Variants in MAPK10 observed in about 807,000 individuals in gnomAD.
MAPK10 encodes the protein JNK3 alpha protein kinase.
A neutral mutation model predicts 59.3 loss-of-function variants in MAPK10; 25 were observed. The observed-to-expected ratio is 0.42, with a 90% confidence interval of 0.31 to 0.59. MAPK10 has a LOEUF of 0.59. MAPK10 is among the 20% of genes least tolerant of loss of function. The pLI is 0.15. For missense variants in MAPK10, 351 were observed against 568.9 expected (o/e 0.62, Z 3.90); for synonymous variants, 190 against 200.5 (o/e 0.95, Z 0.44).
chr4:86,582,353 T>C lies in MAPK10; in HGVS notation c.-263+11557A>G, dbSNP rs1762368734. Among the ~76,000 whole-genome samples, 2 of 152,308 alleles carry C rather than the reference T, an allele frequency of 1.3e-5. 1 individual carries two copies. Among genetic ancestry groups the C allele is most frequent in the Middle Eastern group, 6.8e-3 (2 of 294 alleles). ...CAAGTACTAGATACCATATTACTAA[T>C]ATAAATACATGCTATTTAGAAAGTG... is the stretch of plus-strand genomic sequence containing the variant. On this transcript the variant is annotated intron_variant, in intron 1 of 4. Coordinates refer to the MAPK10 transcript ENST00000502302.
chr4:86,022,787 G>T (rs187128421), intron 13 of MAPK10, among the ~76,000 whole-genome samples: 1 of 152,278 alleles, frequency 6.6e-6, no homozygotes, highest in Admixed American at 6.5e-5. Flanking sequence ...GGGTCTACAG[G>T]CATGAGCCAC....
intron 11 of MAPK10, among the ~76,000 whole-genome samples, chr4:86,038,157 A>AT (rs545353876): frequency 1.7e-4 from 26 of 152,330 alleles, no homozygotes; most frequent in South Asian, 1.7e-3. Context: ...CTGAACTGAC[A>AT]TTTTTCCCTA....
chr4:86,189,078 C>T (rs944646377), intron 3 of MAPK10, among the ~76,000 whole-genome samples: 2 of 151,976 alleles, frequency 1.3e-5, no homozygotes, highest in Non-Finnish European at 2.9e-5. Flanking sequence ...ATTTCTGAGG[C>T]CTCTGTTCTG....
chr4:86,538,151 C>CG (rs545981814), intron 1 of MAPK10, among the ~76,000 whole-genome samples: 1 of 146,506 alleles, frequency 6.8e-6, no homozygotes, highest in African/African-American at 2.5e-5. Context: ...TATAATAAAT[C>CG]TTTTTTTTTT....
Position 86,295,754 on chromosome 4 carries a change from TA to T in MAPK10, c.-7+58775del, listed in dbSNP as rs1157964710. 8.7e-3 allele frequency among the ~76,000 whole-genome samples: 1,141 copies of T among 131,828 alleles called. 11 individuals are homozygous for T. Among genetic ancestry groups the T allele is most frequent in the African/African-American group, 0.039 (1,054 of 27,036 alleles). 86.5% of individuals were successfully genotyped at this position (131,828 alleles called of 152,430 possible). A position where few individuals can be genotyped will look rare whatever the true frequency, so the allele number is the denominator to read the frequency against. ...ATAATATATAAATTTATATATATTTTATATATATATATTTTATATATATATA... is the reference window on the plus strand; with the variant it reads ...ATAATATATAAATTTATATATATTTTTATATATATATTTTATATATATATA... On this transcript the variant is annotated intron_variant, in intron 2 of 13. Coordinates refer to ENST00000641462, the MANE Select transcript of MAPK10 (RefSeq NM_138982.4).
At chr4:86,466,764 C>T (rs1312557899) in intron 1 of MAPK10, among the ~76,000 whole-genome samples, 1 of 152,148 alleles carries the variant, frequency 6.6e-6, no homozygotes, top group Non-Finnish European at 1.5e-5. Flanking sequence ...GTTTGGGACA[C>T]CTAGTGTGGT....
rs1751991020 is a variant in MAPK10 at position 86,029,238 on chromosome 4, T to G, written c.1211A>C (p.Lys404Thr). The change falls in exon 13 of 14, where the codon AAG becomes ACG. Residue 404 changes from lysine (K) to threonine (T), a missense_variant. This residue lies in a region of MAPK10 where 155 missense variants were observed against 204.2 expected (regional missense o/e 0.76). Coordinates refer to ENST00000641462, the MANE Select transcript of MAPK10 (RefSeq NM_138982.4). ...TCCTTTTACTACACCATTTTTAGTC[T>G]TTTCTTCTGAATTCATTACTTCCTT... ...IYKEVMNSEE[K>T]TKNGVVKGQP... 6.2e-7 allele frequency: 1 copy of G among 1,611,618 alleles called. No individual in the cohort carries two copies. Among genetic ancestry groups the G allele is most frequent in the Non-Finnish European group, 8.5e-7 (1 of 1,178,132 alleles).
At chr4:86,235,316 C>A (rs2092103443) in intron 2 of MAPK10, among the ~76,000 whole-genome samples, 1 of 152,146 alleles carries the variant, frequency 6.6e-6, no homozygotes, top group East Asian at 1.9e-4. Flanking sequence ...AAAACGTGTG[C>A]TTTGTCTGCA....
intron 2 of MAPK10, among the ~76,000 whole-genome samples, chr4:86,211,604 G>T (rs1179331439): frequency 2.0e-5 from 3 of 152,016 alleles, no homozygotes; most frequent in Admixed American, 6.6e-5. Flanking sequence ...AAAATGAAAG[G>T]ACACTCAAAA....
chr4:86,468,045 A>AC (rs1465174851), intron 1 of MAPK10, among the ~76,000 whole-genome samples: 1 of 152,204 alleles, frequency 6.6e-6, no homozygotes, highest in Non-Finnish European at 1.5e-5. Flanking sequence ...ATGCTTGCTA[A>AC]CCAGAAACTT....
chr4:86,143,661 A>T (rs760539787), intron 4 of MAPK10, among the ~76,000 whole-genome samples: 12 of 152,220 alleles, frequency 7.9e-5, no homozygotes, highest in Non-Finnish European at 1.8e-4. Flanking sequence ...TGCTCATGAC[A>T]GTAGCTCAAG....
Position 86,107,258 on chromosome 4 carries a change from C to G in MAPK10, c.331G>C (p.Glu111Gln). The part of the protein sequence containing the change: ...NQTHAKRAYR[E>Q]LVLMKCVNHK... ...TTCACACACTTCATGAGGACCAGCT[C>G]CCGGTACGCTCTCTTGGCATGTGTT... Residue 111 changes from glutamate (E) to glutamine (Q), a missense_variant, in exon 5 of 14, where the codon GAG becomes CAG. By Grantham distance (29) the Glu-to-Gln change is conservative. Coordinates refer to ENST00000641462, the MANE Select transcript of MAPK10 (RefSeq NM_138982.4). 1 of 1,613,166 alleles carries G rather than the reference C, an allele frequency of 6.2e-7. No homozygotes were observed. Among genetic ancestry groups the G allele is most frequent in the Non-Finnish European group, 8.5e-7 (1 of 1,179,422 alleles).
At chr4:86,250,868 G>C (rs1026844828) in intron 2 of MAPK10, among the ~76,000 whole-genome samples, 14 of 152,270 alleles carry the variant, frequency 9.2e-5, no homozygotes, top group Middle Eastern at 3.4e-3. Flanking sequence ...GACTCTAGGA[G>C]AAAACTATTA....
At chr4:86,433,732 C>T (rs548775958) in intron 1 of MAPK10, among the ~76,000 whole-genome samples, 19 of 151,880 alleles carry the variant, frequency 1.3e-4, no homozygotes, top group African/African-American at 4.3e-4. Flanking sequence ...TGCTGGACCA[C>T]GACTAGGCCG....
intron 2 of MAPK10, among the ~76,000 whole-genome samples, chr4:86,232,424 A>C (rs1364604718): frequency 6.6e-6 from 1 of 151,050 alleles, no homozygotes; most frequent in African/African-American, 2.5e-5. Flanking sequence ...CCCAGGCTAG[A>C]GTGCAGTGGC....
intron 1 of MAPK10, among the ~76,000 whole-genome samples, chr4:86,480,411 C>G (rs1462186515): frequency 1.3e-5 from 2 of 152,124 alleles, no homozygotes; most frequent in East Asian, 3.9e-4. Flanking sequence ...ACCCCTATCT[C>G]TCTTCACTGA....
intron 2 of MAPK10, chr4:86,352,254 A>C (rs1013145941): frequency 6.6e-6 from 1 of 151,722 alleles, no homozygotes; most frequent in Non-Finnish European, 1.5e-5. Context: ...TAAACATAAA[A>C]ATGATATTAT....
At chr4:86,493,613 G>T (rs1266949397) in intron 1 of MAPK10, among the ~76,000 whole-genome samples, 2 of 152,030 alleles carry the variant, frequency 1.3e-5, no homozygotes, top group African/African-American at 2.4e-5. Flanking sequence ...AGCACATTTA[G>T]CTCACCCTCC....
intron 2 of MAPK10, among the ~76,000 whole-genome samples, chr4:86,311,018 A>T (rs2095657318): frequency 6.9e-6 from 1 of 145,158 alleles, no homozygotes; most frequent in African/African-American, 2.6e-5. Flanking sequence ...GCACTATATG[A>T]TTACACAGTT....
Sources: gnomAD v4.1 joint callset for allele counts (sites outside exome capture counted in the v4.1 genomes callset) on GRCh38, gnomAD v4.1.1 for gene constraint, gnomAD v4.1.1 regional missense constraint, MANE v1.5 for transcripts, NCBI Gene and HGNC (gene_info 2026-07-23, HGNC 2026-07-21) for gene names.